Variants in MRTFB observed in about 807,000 individuals in gnomAD.
MRTFB encodes the protein myocardin-related transcription factor B.
Under a neutral mutation model 104.2 loss-of-function variants are expected in MRTFB, and 29 were observed. The ratio of observed to expected loss-of-function variants is 0.28; its 90% CI spans 0.21 to 0.38. The LOEUF (loss-of-function observed/expected upper bound fraction) is 0.38. MRTFB is among the 10% of genes least tolerant of loss of function. MRTFB has a pLI of 1.00. For missense variants in MRTFB, 1,270 were observed against 1,341.6 expected, an observed-to-expected ratio of 0.95 and a Z score of 0.83; for synonymous variants, 535 against 519.5, an observed-to-expected ratio of 1.03 and a Z score of -0.41.
intron 7 of MRTFB, among the ~76,000 whole-genome samples, chr16:14,218,366 T>C (rs2041521675): frequency 6.6e-6 from 1 of 152,154 alleles, no homozygotes; most frequent in Admixed American, 6.6e-5. Flanking sequence ...GCCTGTCACG[T>C]GTTTTTTTAA....
intron 7 of MRTFB, 63 bp downstream of exon 7, chr16:14,217,350 C>G: frequency 1.4e-6 from 2 of 1,436,268 alleles, no homozygotes; most frequent in Non-Finnish European, 1.9e-6. Context: ...TTAGATAAAA[C>G]AAATATAATT....
chr16:14,034,618 A>G, the MRTFB span, among the ~76,000 whole-genome samples: 1 of 145,636 alleles, frequency 6.9e-6, no homozygotes, highest in African/African-American at 2.5e-5. Flanking sequence ...CCATCTCACA[A>G]AAAAAAAAAA....
rs1261258309 is a variant in MRTFB at position 14,228,300 on chromosome 16, G to GGC, written c.694-5843_694-5842dup. 2.0e-5 allele frequency among the ~76,000 whole-genome samples: 3 copies of GGC among 152,208 alleles called. No individual in the cohort carries two copies. The East Asian group carries it at 5.8e-4, about 29-fold the overall frequency. ...ATATGCCCAAAAGAAAACAGGGCTG[G>GGC]GCGCAGTGGCTTACACTTGTGATCC... On this transcript the variant is annotated intron_variant, in intron 8 of 16. Coordinates refer to ENST00000571589, the MANE Select transcript of MRTFB (RefSeq NM_001308142.2).
At chr16:14,078,564 G>A (rs2141839576) in intron 1 of MRTFB, among the ~76,000 whole-genome samples, 1 of 151,406 alleles carries the variant, frequency 6.6e-6, no homozygotes, top group South Asian at 2.1e-4. Context: ...CGAGCAGCTG[G>A]GACTACAGGG....
chr16:14,069,618 G>A (rs1471412036), upstream of MRTFB, among the ~76,000 whole-genome samples: 6 of 152,276 alleles, frequency 3.9e-5, no homozygotes, highest in East Asian at 1.2e-3. Flanking sequence ...CAGAGTAACT[G>A]GAACTCCAGG....
Position 14,263,064 on chromosome 16 carries a change from A to C in MRTFB, c.*1620A>C, listed in dbSNP as rs796128471. On this transcript the variant is annotated 3_prime_UTR_variant, in exon 17 of 17. Transcript: ENST00000571589. Reference sequence around the variant, plus strand: ...TATAAATTTTACTACGTGTAACAAAAGTCTGCTTTTCCAGCATGAGCACAC... The same window carrying C: ...TATAAATTTTACTACGTGTAACAAACGTCTGCTTTTCCAGCATGAGCACAC... 3.9e-5 allele frequency: 6 copies of C among 152,532 alleles called. No individual in the cohort carries two copies. Among genetic ancestry groups the C allele is most frequent in the African/African-American group, 1.4e-4 (6 of 41,578 alleles). The allele number at this position is 152,532 out of a possible 1,614,324, so 9.4% of individuals were successfully genotyped here. A position where few individuals can be genotyped will look rare whatever the true frequency, so the allele number is the denominator to read the frequency against.
At chr16:14,072,085 G>A (rs555106586) in intron 1 of MRTFB, among the ~76,000 whole-genome samples, 1 of 152,246 alleles carries the variant, frequency 6.6e-6, no homozygotes, top group South Asian at 2.1e-4. Context: ...GAATATTGGA[G>A]CCCAGGGCTT....
At chr16:14,246,409 A>C in intron 11 of MRTFB, 64 bp from the exon 12 acceptor site, 2 of 1,531,812 alleles carry the variant, frequency 1.3e-6, no homozygotes, top group Non-Finnish European at 1.8e-6. Context: ...CCCATCACAA[A>C]AGCGTACTGT....
chr16:14,157,916 T>TAC (rs3086619), intron 3 of MRTFB, among the ~76,000 whole-genome samples: 35,635 of 152,112 alleles, frequency 0.23, 7,882 homozygotes, highest in African/African-American at 0.57. Flanking sequence ...CTTTTATATA[T>TAC]AGTTTCATTT....
chr16:14,226,421 T>C (rs1473448132), intron 8 of MRTFB, among the ~76,000 whole-genome samples: 1 of 152,060 alleles, frequency 6.6e-6, no homozygotes, highest in African/African-American at 2.4e-5. Context: ...GCCAAGACCA[T>C]CCAGTGGGGA....
the MRTFB span, among the ~76,000 whole-genome samples, chr16:14,058,722 T>G: frequency 2.2e-5 from 3 of 139,066 alleles, no homozygotes; most frequent in African/African-American, 7.9e-5. Flanking sequence ...GTTTTTTTTT[T>G]TTTTTTTTTT....
chr16:14,011,328 C>G, the MRTFB span, among the ~76,000 whole-genome samples: 1 of 152,208 alleles, frequency 6.6e-6, no homozygotes, highest in Non-Finnish European at 1.5e-5. Flanking sequence ...GTCACTTCAC[C>G]TCTCTGAACC....
At position 14,247,360 on chromosome 16, in the gene MRTFB, G is replaced by C; in HGVS notation, c.2100G>C (p.Val700=). The change falls in exon 12 of 17, where the codon GTG becomes GTC. Residue 700 remains valine, a synonymous_variant. Coordinates refer to ENST00000571589, the MANE Select transcript of MRTFB (RefSeq NM_001308142.2). ...AGAGTGTCGTCTCGCAGTTTTATGT[G>C]AGTTCCCAGGGACAGCCACCGCCTG... ...EQQSVVSQFY[V]SSQGQPPPAV... The C allele has an allele frequency of 6.2e-7, 1 of 1,614,130 alleles. No homozygotes were observed. The highest frequency in any genetic ancestry group is 8.5e-7 in the Non-Finnish European group (1 of 1,180,032).
chr16:14,110,213 G>T (rs1013365648), intron 2 of MRTFB, among the ~76,000 whole-genome samples: 1 of 152,222 alleles, frequency 6.6e-6, no homozygotes, highest in African/African-American at 2.4e-5. Flanking sequence ...CAGACCAGCA[G>T]CCTTGAAGCC....
rs2043953184 is a variant in MRTFB at position 14,266,492 on chromosome 16, G to A, written c.*5048G>A. On this transcript the variant is annotated 3_prime_UTR_variant, in exon 17 of 17. Transcript: ENST00000571589. The stretch of plus-strand genomic sequence containing the variant: ...AATCAACAAAAAATTATGGCAATCG[G>A]GGGTCCATTCATCTATTGCCTTTAT... 1 of 152,088 alleles carries A rather than the reference G, an allele frequency of 6.6e-6. No homozygotes were observed. The highest frequency in any genetic ancestry group is 1.5e-5 in the Non-Finnish European group (1 of 68,024). The allele number at this position is 152,088 out of a possible 1,614,324, so 9.4% of individuals were successfully genotyped here. A position where few individuals can be genotyped will look rare whatever the true frequency, so the allele number is the denominator to read the frequency against.
At chr16:14,124,219 A>G (rs1006285845) in intron 2 of MRTFB, among the ~76,000 whole-genome samples, 1 of 152,202 alleles carries the variant, frequency 6.6e-6, no homozygotes, top group Non-Finnish European at 1.5e-5. Context: ...AACAGAGACA[A>G]TTTGACTTCC....
At chr16:14,031,214 A>G in the MRTFB span, among the ~76,000 whole-genome samples, 1 of 152,124 alleles carries the variant, frequency 6.6e-6, no homozygotes, top group Non-Finnish European at 1.5e-5. Flanking sequence ...CAACATGGCA[A>G]GAGCCCATCT....
chr16:14,040,846 A>G, the MRTFB span, among the ~76,000 whole-genome samples: 1 of 152,188 alleles, frequency 6.6e-6, no homozygotes, highest in Non-Finnish European at 1.5e-5. Context: ...GGGCACAGTG[A>G]GTCATGCCTA....
intron 3 of MRTFB, among the ~76,000 whole-genome samples, chr16:14,180,648 G>A (rs1036871559): frequency 1.3e-5 from 2 of 152,230 alleles, no homozygotes; most frequent in Non-Finnish European, 2.9e-5. Flanking sequence ...CACGCAAGCT[G>A]TCCTCTGCCT....
Sources: gnomAD v4.1 joint callset for allele counts (sites outside exome capture counted in the v4.1 genomes callset) on GRCh38, gnomAD v4.1.1 for gene constraint, MANE v1.5 for transcripts, NCBI Gene and HGNC (gene_info 2026-07-23, HGNC 2026-07-21) for gene names.